GCNA: variants seen among roughly 807,000 people sequenced by gnomAD.
The protein encoded by GCNA is germ cell nuclear acidic peptidase, also known as germ cell nuclear acidic protein.
Under a neutral mutation model 38.8 loss-of-function variants are expected in GCNA, and 3 were observed. That is an observed-to-expected ratio of 0.08 (90% CI 0.04 to 0.20). The LOEUF (loss-of-function observed/expected upper bound fraction) is 0.20, where lower values mean the gene tolerates loss of function less well. Among genes scored for constraint, GCNA ranks in the 10% least tolerant of loss-of-function variants. The probability of loss-of-function intolerance (pLI) is 1.00; values close to 1 mark genes in which losing one functional copy is unlikely to be tolerated. For synonymous variants in GCNA, 195 were observed against 240.2 expected, an observed-to-expected ratio of 0.81 and a Z score of 1.74; for missense variants, 446 against 578.6, an observed-to-expected ratio of 0.77 and a Z score of 2.35.
At chrX:71,599,425 G>A (rs998784023) in intron 7 of GCNA, among the ~76,000 whole-genome samples, 1 of 111,935 alleles carries the variant, frequency 8.9e-6, no homozygotes, top group Non-Finnish European at 1.9e-5. Context: ...GAGGCAGCTT[G>A]AGGGCAGGCA....
At chrX:71,591,583 C>T (rs1272484933) in intron 2 of GCNA, among the ~76,000 whole-genome samples, 2 of 101,827 alleles carry the variant, frequency 2.0e-5, no homozygotes, top group Admixed American at 2.2e-4. Context: ...TCTCTTCATC[C>T]TCAAGTCCTT....
At chrX:71,579,726 C>G (rs2040531488) in intron 1 of GCNA, among the ~76,000 whole-genome samples, 1 of 104,179 alleles carries the variant, frequency 9.6e-6, no homozygotes. Flanking sequence ...TGGAAGCCTG[C>G]TTGGAAAACC....
intron 10 of GCNA, among the ~76,000 whole-genome samples, chrX:71,609,569 G>A (rs148038878): frequency 2.7e-5 from 3 of 112,213 alleles, no homozygotes; most frequent in East Asian, 5.6e-4. Flanking sequence ...AACACAGTAC[G>A]TATTACCTCA....
chrX:71,612,310 A>AAATT, intron 11 of GCNA, 45 bp from the exon 12 acceptor site: 1 of 444,885 alleles, frequency 2.2e-6, no homozygotes, highest in South Asian at 3.6e-5. Context: ...AAAAAAAAAG[A>AAATT]GGATTGGTTT....
Position 71,613,235 on chromosome X carries a change from T to C in GCNA, c.*253T>C, listed in dbSNP as rs2040826738. 7 of 337,718 alleles carry C rather than the reference T, an allele frequency of 2.1e-5. No homozygotes were observed. Among genetic ancestry groups the C allele is most frequent in the Admixed American group, 4.7e-5 (1 of 21,158 alleles). 27.8% of individuals were successfully genotyped at this position (337,718 alleles called of 1,213,427 possible). ...AAGTAATGTTAGAATTTAAGATTCA[T>C]GTTATTAACGATGATTGACCTTAAA... On this transcript the variant is annotated 3_prime_UTR_variant, in exon 13 of 13. Coordinates refer to ENST00000373696, the MANE Select transcript of GCNA (RefSeq NM_052957.5).
chrX:71,585,885 GATTC>G (rs1274690132), intron 2 of GCNA, among the ~76,000 whole-genome samples: 1 of 107,296 alleles, frequency 9.3e-6, no homozygotes, highest in Admixed American at 1.0e-4. Flanking sequence ...GAGATTTTGA[GATTC>G]ATTCATACAT....
intron 7 of GCNA, among the ~76,000 whole-genome samples, chrX:71,602,519 T>C (rs933583719): frequency 2.7e-5 from 3 of 112,381 alleles, no homozygotes; most frequent in African/African-American, 9.7e-5. Context: ...ATTTCTCTGA[T>C]GATCAATGAT....
At chrX:71,588,666 A>C (rs1328139872) in intron 2 of GCNA, among the ~76,000 whole-genome samples, 2 of 110,397 alleles carry the variant, frequency 1.8e-5, no homozygotes, top group African/African-American at 6.6e-5. Flanking sequence ...ATCTCTACTA[A>C]AAATACAAAA....
chrX:71,607,316 G>GGT (rs2040775508), intron 9 of GCNA, among the ~76,000 whole-genome samples: 1 of 112,169 alleles, frequency 8.9e-6, no homozygotes, highest in Non-Finnish European at 1.9e-5. Flanking sequence ...TGTAACCTCT[G>GGT]TCTTGTCTGG....
Position 71,592,146 on chromosome X carries a change from C to T in GCNA, c.84C>T (p.Ser28=). 8.3e-7 allele frequency: 1 copy of T among 1,206,696 alleles called. No individual in the cohort carries two copies. The highest frequency in any genetic ancestry group is 1.1e-6 in the Non-Finnish European group (1 of 891,215). ...GTTACATCCTTAATGTTCAGTCAAG[C>T]AGTGATGACACCAGTGGGTCTTGTA... ...EDCYILNVQS[S]SDDTSGSSVA... is the part of the protein sequence containing the mutation. The change falls in exon 3 of 13, where the codon AGC becomes AGT. Residue 28 remains serine (S), a synonymous_variant. Transcript: ENST00000373696.
chrX:71,581,046 C>T (rs1243553466), intron 2 of GCNA, among the ~76,000 whole-genome samples, 166 bp downstream of exon 2: 1 of 111,883 alleles, frequency 8.9e-6, no homozygotes, highest in African/African-American at 3.3e-5. Flanking sequence ...GGAGTCCAGC[C>T]TCCTATGAAA....
At chrX:71,583,349 G>T (rs1306256566) in intron 2 of GCNA, among the ~76,000 whole-genome samples, 2 of 110,765 alleles carry the variant, frequency 1.8e-5, no homozygotes, top group Non-Finnish European at 3.8e-5. Context: ...GGGTGGGGTG[G>T]CTCACGCCTG....
intron 12 of GCNA, 71 bp downstream of exon 12, chrX:71,612,630 T>C: frequency 1.0e-6 from 1 of 990,609 alleles, no homozygotes; most frequent in Admixed American, 2.6e-5. Flanking sequence ...AGTGATTTTA[T>C]AAGTAGATGG....
intron 6 of GCNA, among the ~76,000 whole-genome samples, chrX:71,595,037 C>T (rs772051613): frequency 9.0e-6 from 1 of 110,735 alleles, no homozygotes; most frequent in South Asian, 3.9e-4. Context: ...CCTTAACATC[C>T]AGGCTCTACT....
chrX:71,611,642 GAT>G lies in GCNA; in HGVS notation c.1751-712_1751-711del, dbSNP rs1039720876. ...TCAATCAATTAGTAAGAACCCCTGA[GAT>G]CTCAATTTCACCATGGAGCTTCTCC... On this transcript the variant is annotated intron_variant, in intron 11 of 12. Coordinates refer to ENST00000373696, the MANE Select transcript of GCNA (RefSeq NM_052957.5). 3.6e-5 allele frequency among the ~76,000 whole-genome samples: 4 copies of G among 111,409 alleles called. No homozygotes were observed. In the Admixed American group the frequency reaches 3.8e-4, roughly 11 times the overall value.
intron 2 of GCNA, among the ~76,000 whole-genome samples, chrX:71,584,686 A>C (rs1374392410): frequency 1.8e-5 from 2 of 110,128 alleles, no homozygotes; most frequent in Non-Finnish European, 3.8e-5. Flanking sequence ...AACACAGTGA[A>C]ACTCCATCTC....
rs1270723998 is a variant in GCNA at position 71,604,041 on chromosome X, C to T, written c.764C>T (p.Pro255Leu). 2 of 1,199,886 alleles carry T rather than the reference C, an allele frequency of 1.7e-6. No homozygotes were observed. The highest frequency in any genetic ancestry group is 2.2e-6 in the Non-Finnish European group (2 of 891,045). ...GACAGCAGTGATGATTCGGAAGCTC[C>T]CGACGACAGCAGTGATGATTCGGAA... ...PDDSSDDSEA[P>L]DDSSDDSEAP... The change falls in exon 8 of 13, where the codon CCC becomes CTC. Residue 255 changes from proline to leucine, a missense_variant. Pro to Leu is a moderately conservative substitution (Grantham distance 98). Coordinates refer to ENST00000373696, the MANE Select transcript of GCNA (RefSeq NM_052957.5).
At chrX:71,585,937 G>A (rs768631604) in intron 2 of GCNA, among the ~76,000 whole-genome samples, 2 of 108,419 alleles carry the variant, frequency 1.8e-5, no homozygotes, top group African/African-American at 6.7e-5. Context: ...TCCTGACTTT[G>A]TATGGAACAA....
At chrX:71,582,565 A>T (rs1490424344) in intron 2 of GCNA, among the ~76,000 whole-genome samples, 1 of 111,686 alleles carries the variant, frequency 9.0e-6, no homozygotes, top group Non-Finnish European at 1.9e-5. Flanking sequence ...GCAGTCTGGC[A>T]GTATCACATT....
Sources: allele counts gnomAD v4.1 joint callset (sites outside exome capture counted in the v4.1 genomes callset), GRCh38; gene constraint gnomAD v4.1.1; transcripts MANE v1.5; gene names NCBI Gene and HGNC (gene_info 2026-07-23, HGNC 2026-07-21).